ALG12: variants seen among roughly 807,000 people sequenced by gnomAD.
The protein encoded by ALG12 is ALG12 alpha-1,6-mannosyltransferase, also known as dol-P-Man:Man(7)GlcNAc(2)-PP-Dol alpha-1,6-mannosyltransferase.
ALG12 carries 36 observed loss-of-function variants against 46.0 expected under a neutral mutation model. The observed-to-expected ratio is 0.78, with a 90% CI of 0.60 to 1.03. The LOEUF is 1.03. Among genes scored for constraint, ALG12 ranks in the 50% least tolerant of loss-of-function variants. ALG12 has a pLI of 0.00. For missense variants in ALG12, 599 were observed against 633.5 expected (o/e 0.95, Z 0.58); for synonymous variants, 326 against 291.6 (o/e 1.12, Z -1.20).
At chr22:49,861,548 T>C in the ALG12 span, among the ~76,000 whole-genome samples, 7 of 151,566 alleles carry the variant, frequency 4.6e-5, no homozygotes, top group Admixed American at 3.3e-4. Flanking sequence ...ATTTTCTCAC[T>C]GTACCCTCCT....
the ALG12 span, among the ~76,000 whole-genome samples, chr22:49,868,221 T>A: frequency 6.6e-6 from 1 of 152,200 alleles, no homozygotes; most frequent in Non-Finnish European, 1.5e-5. Flanking sequence ...ACTGTTCTAG[T>A]TTTCCTTTTA....
In ALG12 at chr22:49,907,665, A is replaced by AGT. The variant is rs1220066043; in HGVS notation, c.992+54_992+55dup. ...ACATACATCCCCCCAACAGTAAATC[A>AGT]GTGAACCTGTTTCCAATGAAACTAT... On this transcript the variant is annotated intron_variant, in intron 7 of 9. Transcript: ENST00000330817. The AGT allele has an allele frequency of 1.9e-6, 3 of 1,557,882 alleles. No homozygotes were observed. In the Admixed American group the frequency reaches 5.3e-5, roughly 27 times the overall value.
At chr22:49,883,500 T>A in the ALG12 span, 1 of 983,636 alleles carries the variant, frequency 1.0e-6, no homozygotes. Flanking sequence ...AGTCACAGAT[T>A]CTTTTTTTCA....
the ALG12 span, among the ~76,000 whole-genome samples, chr22:49,865,633 C>T: frequency 6.6e-6 from 1 of 152,040 alleles, no homozygotes; most frequent in Non-Finnish European, 1.5e-5. Flanking sequence ...AGAGATCACA[C>T]CACTGCACTC....
intron 3 of ALG12, among the ~76,000 whole-genome samples, chr22:49,912,520 C>T (rs537149632): frequency 6.6e-6 from 1 of 152,188 alleles, no homozygotes; most frequent in Non-Finnish European, 1.5e-5. Context: ...GTCCAGCTGT[C>T]CCCGTGCCAT....
the ALG12 span, among the ~76,000 whole-genome samples, chr22:49,880,190 G>T: frequency 6.6e-6 from 1 of 152,088 alleles, no homozygotes; most frequent in Non-Finnish European, 1.5e-5. Context: ...CCGTTGTTGT[G>T]AAGCCCACTG....
Position 49,903,888 on chromosome 22 carries a change from G to A in ALG12, c.1417C>T (p.His473Tyr), listed in dbSNP as rs2060527828. The A allele has an allele frequency of 1.2e-6, 2 of 1,614,116 alleles. No homozygotes were observed. Among genetic ancestry groups the A allele is most frequent in the Non-Finnish European group, 1.7e-6 (2 of 1,180,034 alleles). The change falls in exon 10 of 10, where the codon CAC becomes TAC. Residue 473 changes from histidine (H) to tyrosine (Y), a missense_variant. Transcript: ENST00000330817. ...NLTQLPPFNV[H>Y]LQTKLVLLER... is the part of the protein sequence containing the mutation. ...AGAAGCACCAGCTTTGTCTGCAGGT[G>A]GACGTTGAAGGGGGGCAGTTGGGTC...
the ALG12 span, chr22:49,888,116 T>C: frequency 6.0e-6 from 1 of 167,252 alleles, no homozygotes; most frequent in African/African-American, 2.4e-5. Context: ...GTTGTAAGAA[T>C]AGCCTTAGTG....
chr22:49,907,332 A>C (rs1307087733), intron 7 of ALG12, among the ~76,000 whole-genome samples: 1 of 152,192 alleles, frequency 6.6e-6, no homozygotes, highest in Non-Finnish European at 1.5e-5. Flanking sequence ...TGGACCAGTC[A>C]CCAAATTAAC....
chr22:49,917,931 C>T (rs9627793), intron 1 of ALG12, among the ~76,000 whole-genome samples: 6,858 of 151,824 alleles, frequency 0.045, 503 homozygotes, highest in African/African-American at 0.15. Context: ...AAAACCCATC[C>T]CCCAGGTGGG....
downstream of ALG12, among the ~76,000 whole-genome samples, chr22:49,899,507 C>G (rs1004477561): frequency 1.6e-4 from 25 of 151,636 alleles, no homozygotes; most frequent in Admixed American, 4.6e-4. Flanking sequence ...TGAAACGACA[C>G]TGAACCACCA....
At chr22:49,899,661 A>G (rs1380255299), downstream of ALG12, among the ~76,000 whole-genome samples, 1 of 151,992 alleles carries the variant, frequency 6.6e-6, no homozygotes, top group Non-Finnish European at 1.5e-5. Flanking sequence ...CTAGGAATTC[A>G]CCCTGAAGAC....
At chr22:49,874,180 G>C in the ALG12 span, among the ~76,000 whole-genome samples, 1 of 152,142 alleles carries the variant, frequency 6.6e-6, no homozygotes, top group South Asian at 2.1e-4. Flanking sequence ...AGAATATGCC[G>C]AGGGGAAGCA....
rs1015611771 is a variant in ALG12, at chr22:49,910,537, G to T, written c.366C>A (p.Phe122Leu). 1 of 1,613,982 alleles carries T rather than the reference G, an allele frequency of 6.2e-7. No homozygotes were observed. The highest frequency in any genetic ancestry group is 8.5e-7 in the Non-Finnish European group (1 of 1,180,034). ...AGAACATGGTGGCCACCATGGCCCC[G>T]AAGTGCCGTCTCACTTCCTTTTGTA... ...WTLQKEVRRH[F>L]GAMVATMFCW... Residue 122 changes from phenylalanine (F) to leucine (L), a missense_variant, in exon 4 of 10, where the codon TTC (phenylalanine) becomes TTA (leucine). Physicochemically the swap from Phe to Leu is conservative, Grantham distance 22. Coordinates refer to ENST00000330817, the MANE Select transcript of ALG12 (RefSeq NM_024105.4).
At chr22:49,891,451 A>G in the ALG12 span, among the ~76,000 whole-genome samples, 1 of 152,224 alleles carries the variant, frequency 6.6e-6, no homozygotes, top group Non-Finnish European at 1.5e-5. Context: ...GAACAAGATC[A>G]ATATTTTCCT....
At chr22:49,882,946 G>A in the ALG12 span, among the ~76,000 whole-genome samples, 1 of 152,198 alleles carries the variant, frequency 6.6e-6, no homozygotes, top group South Asian at 2.1e-4. Context: ...AGGTCTTCTA[G>A]CAAGGAAGGA....
At chr22:49,885,876 C>A in the ALG12 span, 15 of 1,292,268 alleles carry the variant, frequency 1.2e-5, no homozygotes, top group Non-Finnish European at 1.7e-5. Flanking sequence ...GGATGAGTAA[C>A]CAGACCCGTG....
chr22:49,885,261 T>C, the ALG12 span: 2 of 1,599,792 alleles, frequency 1.3e-6, no homozygotes, highest in Non-Finnish European at 1.7e-6. Flanking sequence ...CTGCAGAAAG[T>C]TCCTCTTCCA....
At chr22:49,904,275 G>T (rs376012005) in intron 8 of ALG12, 21 bp from the exon 9 acceptor site, 6 of 1,613,966 alleles carry the variant, frequency 3.7e-6, no homozygotes, top group Admixed American at 3.3e-5. Flanking sequence ...CAGGCCTGCC[G>T]TCAGAGCCCA....
Sources: gnomAD v4.1 joint callset for allele counts (sites outside exome capture counted in the v4.1 genomes callset) on GRCh38, gnomAD v4.1.1 for gene constraint, MANE v1.5 for transcripts, NCBI Gene and HGNC (gene_info 2026-07-23, HGNC 2026-07-21) for gene names.